SLC25A48: variants seen among roughly 807,000 people sequenced by gnomAD.
The protein encoded by SLC25A48 is CTC-321K16.1.
SLC25A48 carries 29 observed loss-of-function variants against 32.2 expected under a neutral mutation model. That is an observed-to-expected ratio of 0.90 (90% CI 0.67 to 1.23). SLC25A48 has a LOEUF of 1.23. Among genes scored for constraint, SLC25A48 ranks in the 50% most tolerant of loss-of-function variants. The pLI, the probability that SLC25A48 is intolerant of heterozygous loss-of-function variation, is 0.00. For missense variants in SLC25A48, 399 were observed against 422.7 expected, an observed-to-expected ratio of 0.94 and a Z score of 0.49; for synonymous variants, 164 against 172.3, an observed-to-expected ratio of 0.95 and a Z score of 0.38.
intron 3 of SLC25A48, among the ~76,000 whole-genome samples, chr5:135,697,505 G>A (rs183657745): frequency 6.6e-6 from 1 of 152,302 alleles, no homozygotes; most frequent in East Asian, 1.9e-4. Flanking sequence ...CCCTTTTTGA[G>A]GAGTTAGACC....
In SLC25A48 at chr5:135,839,520, G is replaced by A. The variant is rs1444332338; in HGVS notation, c.47-2896G>A. ...GATTTTACAGGCTTATAAGTGGAAG[G>A]GACTTGCCTTGTCTCAGATGAGACT... On this transcript the variant is annotated intron_variant, in intron 1 of 7. Coordinates refer to ENST00000681962, the MANE Select transcript of SLC25A48 (RefSeq NM_001349336.2). Among the ~76,000 whole-genome samples the A allele has an allele frequency of 2.6e-5, 4 of 152,166 alleles. No homozygotes were observed. The South Asian group carries it at 6.2e-4, about 24-fold the overall frequency.
At chr5:135,872,246 C>T (rs72791388) in intron 5 of SLC25A48, 8,632 of 214,356 alleles carry the variant, frequency 0.04, 271 homozygotes, top group Non-Finnish European at 0.053. Context: ...TGCTTAACCT[C>T]CCTGCTCAGA....
At chr5:135,819,299 AC>A (rs1179722608) in intron 4 of SLC25A48, among the ~76,000 whole-genome samples, 1 of 152,158 alleles carries the variant, frequency 6.6e-6, no homozygotes, top group Admixed American at 6.5e-5. Context: ...AGTGCTAAAA[AC>A]CTTATCTGTT....
chr5:135,874,555 G>A, intron 6 of SLC25A48: 1 of 578,198 alleles, frequency 1.7e-6, no homozygotes, highest in East Asian at 3.1e-5. Context: ...GAGCTGCCTT[G>A]CCTCCTTCCT....
chr5:135,779,401 A>AG (rs1756663020), intron 3 of SLC25A48, among the ~76,000 whole-genome samples: 1 of 151,590 alleles, frequency 6.6e-6, no homozygotes, highest in Admixed American at 6.6e-5. Flanking sequence ...CCTAATATTC[A>AG]GGGGGGTCAG....
chr5:135,589,077 CTT>C (rs1180825996), intron 1 of SLC25A48, among the ~76,000 whole-genome samples: 1 of 152,220 alleles, frequency 6.6e-6, no homozygotes, highest in Non-Finnish European at 1.5e-5. Flanking sequence ...TGCACAGAAA[CTT>C]TCACATAATG....
chr5:135,812,995 C>A (rs545788520), intron 4 of SLC25A48: 1 of 152,464 alleles, frequency 6.6e-6, no homozygotes, highest in Non-Finnish European at 1.5e-5. Flanking sequence ...GGCTTAGCTA[C>A]GGGCCCCAAG....
chr5:135,696,193 C>T (rs1165957787), intron 3 of SLC25A48, among the ~76,000 whole-genome samples: 1 of 152,220 alleles, frequency 6.6e-6, no homozygotes, highest in Non-Finnish European at 1.5e-5. Flanking sequence ...TGCATTGCAG[C>T]AAGACCACCA....
intron 3 of SLC25A48, among the ~76,000 whole-genome samples, chr5:135,786,219 C>T (rs1756845896): frequency 6.6e-6 from 1 of 151,866 alleles, no homozygotes; most frequent in African/African-American, 2.4e-5. Context: ...CCTCCTTGCA[C>T]CATGGATCGT....
intron 3 of SLC25A48, among the ~76,000 whole-genome samples, chr5:135,732,705 G>A (rs1755257556): frequency 6.6e-6 from 1 of 152,212 alleles, no homozygotes; most frequent in South Asian, 2.1e-4. Context: ...GAAGGGGCCT[G>A]TGAGGCTGCG....
At chr5:135,820,107 C>G (rs1253599431) in intron 4 of SLC25A48, among the ~76,000 whole-genome samples, 1 of 152,106 alleles carries the variant, frequency 6.6e-6, no homozygotes, top group Non-Finnish European at 1.5e-5. Flanking sequence ...TATACCCACT[C>G]AAAGACTTGT....
At chr5:135,606,219 G>C (rs929595871) in intron 1 of SLC25A48, among the ~76,000 whole-genome samples, 2 of 152,140 alleles carry the variant, frequency 1.3e-5, no homozygotes, top group Non-Finnish European at 2.9e-5. Context: ...TAAAATGTCT[G>C]CATTGTCAGG....
At chr5:135,596,573 C>T (rs568054561) in intron 1 of SLC25A48, among the ~76,000 whole-genome samples, 6 of 152,286 alleles carry the variant, frequency 3.9e-5, no homozygotes, top group Admixed American at 3.3e-4. Flanking sequence ...CTCACTGAGC[C>T]GGAGGGTGTA....
At chr5:135,625,853 C>T (rs1752430523) in intron 1 of SLC25A48, among the ~76,000 whole-genome samples, 1 of 152,182 alleles carries the variant, frequency 6.6e-6, no homozygotes, top group Non-Finnish European at 1.5e-5. Flanking sequence ...CTGGGTCAAC[C>T]TTCACATCCT....
intron 1 of SLC25A48, among the ~76,000 whole-genome samples, chr5:135,595,371 C>G (rs1751624237): frequency 6.6e-6 from 1 of 152,142 alleles, no homozygotes; most frequent in African/African-American, 2.4e-5. Flanking sequence ...TCAGAGCTGC[C>G]AAGGGCCCCA....
chr5:135,796,323 G>T (rs917913172), intron 3 of SLC25A48, among the ~76,000 whole-genome samples: 10 of 151,760 alleles, frequency 6.6e-5, no homozygotes, highest in African/African-American at 1.9e-4. Context: ...ATTGTGGGGG[G>T]TGTGCACCCC....
intron 1 of SLC25A48, among the ~76,000 whole-genome samples, chr5:135,597,831 T>G (rs1326208531): frequency 6.6e-6 from 1 of 152,044 alleles, no homozygotes; most frequent in East Asian, 1.9e-4. Flanking sequence ...TGGTGAAACC[T>G]TGCCTCTACT....
At chr5:135,679,693 A>G (rs998658099) in intron 3 of SLC25A48, among the ~76,000 whole-genome samples, 1 of 152,158 alleles carries the variant, frequency 6.6e-6, no homozygotes, top group African/African-American at 2.4e-5. Flanking sequence ...GCTTCAGGCC[A>G]TGCACCTGGC....
At chr5:135,724,071 C>G (rs930310719) in intron 3 of SLC25A48, among the ~76,000 whole-genome samples, 7 of 152,212 alleles carry the variant, frequency 4.6e-5, no homozygotes, top group African/African-American at 1.7e-4. Flanking sequence ...TCTTTTTCAG[C>G]AGCACAACCA....
Sources: gnomAD v4.1 joint callset for allele counts (sites outside exome capture counted in the v4.1 genomes callset) on GRCh38, gnomAD v4.1.1 for gene constraint, MANE v1.5 for transcripts, NCBI Gene and HGNC (gene_info 2026-07-23, HGNC 2026-07-21) for gene names.